Variants in ALG12 observed in about 807,000 individuals in gnomAD.
ALG12 encodes ALG12 alpha-1,6-mannosyltransferase.
A neutral mutation model predicts 46.0 loss-of-function variants in ALG12; 36 were observed. The ratio of observed to expected loss-of-function variants is 0.78; its 90% CI spans 0.60 to 1.03. The LOEUF (loss-of-function observed/expected upper bound fraction) is 1.03. Among genes scored for constraint, ALG12 ranks in the 50% least tolerant of loss-of-function variants. The pLI is 0.00. For missense variants in ALG12, 599 were observed against 633.5 expected (o/e 0.95, Z 0.58); for synonymous variants, 326 against 291.6 (o/e 1.12, Z -1.20).
chr22:49,918,013 G>A (rs1352839187), intron 1 of ALG12, among the ~76,000 whole-genome samples: 2 of 95,058 alleles, frequency 2.1e-5, no homozygotes, highest in Admixed American at 9.2e-5. Context: ...CGGGCCCCCG[G>A]ATGAGAGGTC....
the ALG12 span, chr22:49,885,096 G>C: frequency 6.2e-7 from 1 of 1,613,822 alleles, no homozygotes; most frequent in South Asian, 1.1e-5. Context: ...CCGAGTGTCG[G>C]TACTGCGGCT....
chr22:49,903,109 G>A lies in ALG12; in HGVS notation c.*729C>T. On this transcript the variant is annotated 3_prime_UTR_variant, in exon 10 of 10. Transcript: ENST00000330817. The stretch of plus-strand genomic sequence containing the variant: ...TTATAAATGCATGGTCAGTGAGGCT[G>A]ACAGCACCAAGCTGTCCCTTTACCA... The A allele has an allele frequency of 2.8e-6, 1 of 352,134 alleles. No individual in the cohort carries two copies. The highest frequency in any genetic ancestry group is 5.6e-6 in the Non-Finnish European group (1 of 179,938). The allele number at this position is 352,134 out of a possible 1,614,324, so 21.8% of individuals were successfully genotyped here.
chr22:49,899,998 G>T (rs1254540534), downstream of ALG12, among the ~76,000 whole-genome samples: 2 of 151,878 alleles, frequency 1.3e-5, no homozygotes, highest in African/African-American at 4.8e-5. Flanking sequence ...ATCTCTTCAA[G>T]AAAAATTTTT....
At chr22:49,888,178 A>T in the ALG12 span, 3 of 167,226 alleles carry the variant, frequency 1.8e-5, no homozygotes, top group African/African-American at 7.2e-5. Flanking sequence ...GATATTTTCA[A>T]ATCCCAAGGA....
the ALG12 span, among the ~76,000 whole-genome samples, chr22:49,861,104 C>T: frequency 6.6e-6 from 1 of 152,172 alleles, no homozygotes; most frequent in African/African-American, 2.4e-5. Context: ...TCTGCTACGT[C>T]CTGTAAAAGT....
chr22:49,908,325 C>A (rs916497847), intron 6 of ALG12, among the ~76,000 whole-genome samples: 2 of 128,764 alleles, frequency 1.6e-5, no homozygotes, highest in Admixed American at 7.8e-5. Flanking sequence ...GTAAAGAGAT[C>A]GAGACCATCC....
At chr22:49,892,873 GTGAC>G in the ALG12 span, among the ~76,000 whole-genome samples, 1 of 152,234 alleles carries the variant, frequency 6.6e-6, no homozygotes, top group Non-Finnish European at 1.5e-5. Flanking sequence ...AAAGGACTAA[GTGAC>G]TGAAAAGAGA....
At chr22:49,892,355 G>C in the ALG12 span, among the ~76,000 whole-genome samples, 1 of 152,198 alleles carries the variant, frequency 6.6e-6, no homozygotes, top group African/African-American at 2.4e-5. Flanking sequence ...CCTAAGGCCT[G>C]ACAGAAGGTG....
At chr22:49,918,105 C>A (rs1334468399) in intron 1 of ALG12, 158 bp downstream of exon 1, 2 of 153,650 alleles carry the variant, frequency 1.3e-5, no homozygotes, top group Non-Finnish European at 2.9e-5. Flanking sequence ...AGGGGTGCAG[C>A]CCCAGGTAAG....
chr22:49,912,048 G>C (rs865825290), intron 3 of ALG12, among the ~76,000 whole-genome samples: 40 of 145,450 alleles, frequency 2.8e-4, no homozygotes, highest in African/African-American at 8.1e-4. Context: ...CCCGGGATCA[G>C]CCTCGGCCGC....
chr22:49,903,175 G>A lies in ALG12; in HGVS notation c.*663C>T. The A allele has an allele frequency of 2.7e-6, 1 of 372,706 alleles. No homozygotes were observed. Among genetic ancestry groups the A allele is most frequent in the South Asian group, 2.0e-5 (1 of 49,578 alleles). 23.1% of individuals were successfully genotyped at this position (372,706 alleles called of 1,614,324 possible). On this transcript the variant is annotated 3_prime_UTR_variant, in exon 10 of 10. Transcript: ENST00000330817. The stretch of plus-strand genomic sequence containing the variant: ...TCACCTGTGATAAGCTATCACATAG[G>A]AAACATTTTTAAAATTTCATTCTCA...
the ALG12 span, chr22:49,886,797 C>T: frequency 7.4e-6 from 12 of 1,612,974 alleles, no homozygotes; most frequent in Non-Finnish European, 1.0e-5. The surrounding 1 kb of genome is among the most constrained non-coding windows in gnomAD (Gnocchi z 7.7). Context: ...ACGTGGCTGC[C>T]TCCCACAGGT....
chr22:49,904,193 G>A lies in ALG12; in HGVS notation c.1224C>T (p.Val408=), dbSNP rs146341718. The A allele has an allele frequency of 1.2e-6, 2 of 1,614,196 alleles. No homozygotes were observed. The highest frequency in any genetic ancestry group is 1.7e-5 in the Admixed American group (1 of 60,030). The change falls in exon 9 of 10, where the codon GTC becomes GTT. Residue 408 remains valine (V), a synonymous_variant. Coordinates refer to ENST00000330817, the MANE Select transcript of ALG12 (RefSeq NM_024105.4). ...GTGGATCCTACCTCCAGGCGCTGTT[G>A]ACTTGGAGAAACCGAGACACACCTG... ...AQTGVSRFLQ[V]NSAWRYDKRE...
Position 49,909,418 on chromosome 22 carries a change from C to G in ALG12, c.665-71G>C, listed in dbSNP as rs1056569916. 7.0e-6 allele frequency: 10 copies of G among 1,434,760 alleles called. No individual in the cohort carries two copies. The South Asian group carries it at 9.3e-5, about 13-fold the overall frequency. 88.9% of individuals were successfully genotyped at this position (1,434,760 alleles called of 1,614,324 possible). On this transcript the variant is annotated intron_variant, in intron 5 of 9. Transcript: ENST00000330817. ...GTAAACATCCCGCCACAATGCAGCC[C>G]CCATCACTACAGAAACTACAAGCTG...
At chr22:49,875,262 C>T in the ALG12 span, among the ~76,000 whole-genome samples, 1 of 151,158 alleles carries the variant, frequency 6.6e-6, no homozygotes, top group Non-Finnish European at 1.5e-5. Flanking sequence ...GAATTCACCA[C>T]TGAAGTCATC....
chr22:49,912,088 G>A lies in ALG12; in HGVS notation c.295+1297C>T, dbSNP rs942158993. 2.8e-5 allele frequency among the ~76,000 whole-genome samples: 4 copies of A among 143,364 alleles called. No individual in the cohort carries two copies. The East Asian group carries it at 8.0e-4, about 29-fold the overall frequency. 94.1% of individuals were successfully genotyped at this position (143,364 alleles called of 152,430 possible). A position where few individuals can be genotyped will look rare whatever the true frequency, so the allele number is the denominator to read the frequency against. The stretch of plus-strand genomic sequence containing the variant: ...TCAGCCTGGCCCCGGGATCACCCTC[G>A]GCCCCGGGATCACCCTCGGCCCCGG... On this transcript the variant is annotated intron_variant, in intron 3 of 9. Coordinates refer to ENST00000330817, the MANE Select transcript of ALG12 (RefSeq NM_024105.4).
the ALG12 span, chr22:49,886,674 C>G: frequency 3.1e-6 from 5 of 1,611,454 alleles, no homozygotes; most frequent in African/African-American, 1.3e-5. The surrounding 1 kb of genome is among the most constrained non-coding windows in gnomAD (Gnocchi z 7.7). Context: ...GGTACGTCTT[C>G]GCCACGCTGC....
At chr22:49,886,347 CT>C in the ALG12 span, 2 of 1,607,478 alleles carry the variant, frequency 1.2e-6, no homozygotes, top group Non-Finnish European at 1.7e-6. This position sits in a 1 kb window ranked among gnomAD's most constrained non-coding sequence, Gnocchi z 7.7. Flanking sequence ...GGAGCACTTC[CT>C]TCCACATGCT....
the ALG12 span, among the ~76,000 whole-genome samples, chr22:49,866,812 C>T: frequency 1.6e-4 from 25 of 152,164 alleles, 1 homozygote; most frequent in Admixed American, 2.6e-4. Context: ...TTCACACAAA[C>T]GGAAATTAGG....
Sources: allele counts gnomAD v4.1 joint callset (sites outside exome capture counted in the v4.1 genomes callset), GRCh38; gene constraint gnomAD v4.1.1; non-coding constraint Gnocchi (gnomAD v3.1); transcripts MANE v1.5; gene names NCBI Gene and HGNC (gene_info 2026-07-23, HGNC 2026-07-21).